MELTF: variants seen among roughly 807,000 people sequenced by gnomAD.
MELTF encodes the protein antigen p97 (melanoma associated) identified by monoclonal antibodies 133.2 and 96.5.
In MELTF, 67 loss-of-function variants were observed where a neutral mutation model predicts 83.7. The observed-to-expected ratio is 0.80, with a 90% CI of 0.66 to 0.98. The LOEUF (loss-of-function observed/expected upper bound fraction) is 0.98, where lower values mean the gene tolerates loss of function less well. MELTF is among the 50% of genes least tolerant of loss of function. The pLI, the probability that MELTF is intolerant of heterozygous loss-of-function variation, is 0.00. For synonymous variants in MELTF, 462 were observed against 447.6 expected, an observed-to-expected ratio of 1.03 and a Z score of -0.41; for missense variants, 1,002 against 1,035.6, an observed-to-expected ratio of 0.97 and a Z score of 0.44.
At chr3:197,012,548 AG>A (rs1186735358) in intron 9 of MELTF, among the ~76,000 whole-genome samples, 2 of 152,250 alleles carry the variant, frequency 1.3e-5, no homozygotes, top group African/African-American at 4.8e-5. Context: ...GGCACTGCTG[AG>A]GGGCCTGTGC....
Position 197,008,819 on chromosome 3 carries a change from C to G in MELTF, c.1672G>C (p.Gly558Arg), listed in dbSNP as rs768150503. The change falls in exon 12 of 16, where the codon GGC becomes CGC. Residue 558 changes from glycine to arginine, a missense_variant. Transcript: ENST00000296350. This position sits in a 1 kb window ranked among gnomAD's most constrained non-coding sequence, Gnocchi z 5.4. ...AGGCCACCCGGGTACCTGAAGGCGC[C>G]GCGGTAGCCGTAATACCGCTCCTGG... ...NSQERYYGYR[G>R]AFRCLVENAG... 200 of 1,614,018 alleles carry G rather than the reference C, an allele frequency of 1.2e-4. No homozygotes were observed. Among genetic ancestry groups the G allele is most frequent in the Non-Finnish European group, 1.6e-4 (189 of 1,180,018 alleles).
Position 197,003,172 on chromosome 3 carries a change from G to C in MELTF, c.*200C>G, listed in dbSNP as rs934505825. 1 of 465,450 alleles carries C rather than the reference G, an allele frequency of 2.1e-6. No homozygotes were observed. Among genetic ancestry groups the C allele is most frequent in the Non-Finnish European group, 2.8e-6 (1 of 352,380 alleles). The allele number at this position is 465,450 out of a possible 1,614,324, so 28.8% of individuals were successfully genotyped here. A position where few individuals can be genotyped will look rare whatever the true frequency, so the allele number is the denominator to read the frequency against. On this transcript the variant is annotated 3_prime_UTR_variant, in exon 16 of 16. Coordinates refer to ENST00000296350, the MANE Select transcript of MELTF (RefSeq NM_005929.6). The surrounding 1 kb of genome is among the most constrained non-coding windows in gnomAD (Gnocchi z 6.2). ...AGGTGGCGGGAGGCGGCGGTTGGCG[G>C]GAAGGGCCGCGCGGGCCCGGGGGCG...
chr3:197,015,620 T>G (rs1577935026), intron 8 of MELTF, 104 bp from the exon 9 acceptor site: 1 of 1,288,394 alleles, frequency 7.8e-7, no homozygotes. Context: ...GTCAGGTGTG[T>G]GGCTGGGATA....
intron 11 of MELTF, 111 bp downstream of exon 11, chr3:197,009,507 T>C (rs1268943228): frequency 8.5e-6 from 9 of 1,063,462 alleles, no homozygotes; most frequent in Admixed American, 2.6e-5. Flanking sequence ...TGGGCACATA[T>C]GCAGAAGCCT....
At position 197,027,825 on chromosome 3, in the gene MELTF, T is replaced by G. The variant is rs201549520; in HGVS notation, c.135A>C (p.Glu45Asp). The change falls in exon 2 of 16, where the codon GAA (glutamate) becomes GAC (aspartate). Residue 45 changes from glutamate to aspartate, a missense_variant. Physicochemically the swap from Glu to Asp is conservative, Grantham distance 45 (BLOSUM62 2). Coordinates refer to ENST00000296350, the MANE Select transcript of MELTF (RefSeq NM_005929.6). ...AGAGGAGGGAGGGCTGGATGCCCGCTTCCCGGAAGGCCTCGCTCATGTTGC... is the reference window on the plus strand; with the variant it reads ...AGAGGAGGGAGGGCTGGATGCCCGCGTCCCGGAAGGCCTCGCTCATGTTGC... ...KCGNMSEAFREAGIQPSLLCV... is the reference protein window; with the variant it reads ...KCGNMSEAFRDAGIQPSLLCV... The G allele has an allele frequency of 8.0e-5, 129 of 1,611,542 alleles. 2 individuals are homozygous for G. In the South Asian group the frequency reaches 1.4e-3, roughly 17 times the overall value.
rs1718872477 is a variant in MELTF, at chr3:197,003,829, C to G, written c.2137+72G>C. 2 of 1,506,560 alleles carry G rather than the reference C, an allele frequency of 1.3e-6. No individual in the cohort carries two copies. The highest frequency in any genetic ancestry group is 1.8e-6 in the Non-Finnish European group (2 of 1,107,436). 93.3% of individuals were successfully genotyped at this position (1,506,560 alleles called of 1,614,324 possible). ...GCCTCCCCGGACCCGCAGCGCCCCCCGCTCCCTCAGGGTTCTGGGGTGAAG... is the reference window on the plus strand; with the variant it reads ...GCCTCCCCGGACCCGCAGCGCCCCCGGCTCCCTCAGGGTTCTGGGGTGAAG... On this transcript the variant is annotated intron_variant, in intron 15 of 15. Transcript: ENST00000296350. The surrounding 1 kb of genome is among the most constrained non-coding windows in gnomAD (Gnocchi z 6.2).
At chr3:197,021,555 T>C in intron 5 of MELTF, 84 bp from the exon 6 acceptor site, 2 of 1,336,220 alleles carry the variant, frequency 1.5e-6, no homozygotes, top group South Asian at 1.2e-5. Context: ...GCTTGGGCTG[T>C]AGGGGTGGCC....
At chr3:197,019,548 G>A in intron 6 of MELTF, 1 of 1,558,954 alleles carries the variant, frequency 6.4e-7, no homozygotes, top group Non-Finnish European at 8.8e-7. Context: ...GACCAGCCTG[G>A]GCAACATGGT....
Position 197,011,312 on chromosome 3 carries a change from G to C in MELTF, c.1234-518C>G, listed in dbSNP as rs570317398. Reference sequence around the variant, plus strand: ...GGCTGAGGGATGGAGCTCTGCCTGCGGAGGCGCGGGAGGGTCCAGTGCCTT... The same window carrying C: ...GGCTGAGGGATGGAGCTCTGCCTGCCGAGGCGCGGGAGGGTCCAGTGCCTT... On this transcript the variant is annotated intron_variant, in intron 9 of 15. Transcript: ENST00000296350. This position sits in a 1 kb window ranked among gnomAD's most constrained non-coding sequence, Gnocchi z 4.2. Among the ~76,000 whole-genome samples the C allele has an allele frequency of 6.6e-6, 1 of 152,332 alleles. No individual in the cohort carries two copies. Among genetic ancestry groups the C allele is most frequent in the Admixed American group, 6.5e-5 (1 of 15,314 alleles).
chr3:197,003,502 G>A lies in MELTF; in HGVS notation c.2138-51C>T. 3 of 929,210 alleles carry A rather than the reference G, an allele frequency of 3.2e-6. No individual in the cohort carries two copies. The highest frequency in any genetic ancestry group is 1.9e-5 in the African/African-American group (1 of 52,346). The allele number at this position is 929,210 out of a possible 1,614,324, so 57.6% of individuals were successfully genotyped here. A position where few individuals can be genotyped will look rare whatever the true frequency, so the allele number is the denominator to read the frequency against. On this transcript the variant is annotated intron_variant, in intron 15 of 15. Transcript: ENST00000296350. The surrounding 1 kb of genome is among the most constrained non-coding windows in gnomAD (Gnocchi z 6.2). ...CCCCGAAGCCCGGGCCGCGGTGGCC[G>A]CCTCAGGCGCCCGCTCTGGGGTGGG...
chr3:197,018,248 C>T (rs1434988997), intron 6 of MELTF, among the ~76,000 whole-genome samples: 1 of 147,482 alleles, frequency 6.8e-6, no homozygotes, highest in South Asian at 2.2e-4. Context: ...TCCGGGTTCA[C>T]GCCATTCTCC....
At position 197,003,480 on chromosome 3, in the gene MELTF, C is replaced by T. The variant is rs1718839951; in HGVS notation, c.2138-29G>A. The stretch of plus-strand genomic sequence containing the variant: ...GGGACGAACGCGGCGGGTCAGGCCC[C>T]GAAGCCCGGGCCGCGGTGGCCGCCT... On this transcript the variant is annotated intron_variant, in intron 15 of 15. Transcript: ENST00000296350. The surrounding 1 kb of genome is among the most constrained non-coding windows in gnomAD (Gnocchi z 6.2). The T allele has an allele frequency of 3.8e-6, 4 of 1,045,800 alleles. No individual in the cohort carries two copies. The highest frequency in any genetic ancestry group is 4.6e-6 in the Non-Finnish European group (4 of 874,024). The allele number at this position is 1,045,800 out of a possible 1,614,324, so 64.8% of individuals were successfully genotyped here. A position where few individuals can be genotyped will look rare whatever the true frequency, so the allele number is the denominator to read the frequency against.
intron 2 of MELTF, 172 bp from the exon 3 acceptor site, chr3:197,026,931 G>C (rs540596563): frequency 1.7e-6 from 1 of 575,954 alleles, no homozygotes; most frequent in East Asian, 2.8e-5. Flanking sequence ...CCTTTCCCAG[G>C]CCAGGGATTC....
Position 197,006,741 on chromosome 3 carries a change from G to C in MELTF, c.1751-5C>G. 2 of 1,526,704 alleles carry C rather than the reference G, an allele frequency of 1.3e-6. No individual in the cohort carries two copies. Among genetic ancestry groups the C allele is most frequent in the Non-Finnish European group, 1.8e-6 (2 of 1,139,630 alleles). 94.6% of individuals were successfully genotyped at this position (1,526,704 alleles called of 1,614,324 possible). A position where few individuals can be genotyped will look rare whatever the true frequency, so the allele number is the denominator to read the frequency against. On this transcript the variant is annotated splice_polypyrimidine_tract_variant and splice_region_variant and intron_variant, in intron 13 of 15. Coordinates refer to ENST00000296350, the MANE Select transcript of MELTF (RefSeq NM_005929.6). This position sits in a 1 kb window ranked among gnomAD's most constrained non-coding sequence, Gnocchi z 5.4. ...CCCAGGGCTCGGAATTGTGGCCTGA[G>C]GGGGGTAAAGCAGTGTGTGTGGGGA...
Position 197,002,600 on chromosome 3 carries a change from G to A in MELTF, c.*772C>T, listed in dbSNP as rs1718780826. On this transcript the variant is annotated 3_prime_UTR_variant, in exon 16 of 16. Coordinates refer to ENST00000296350, the MANE Select transcript of MELTF (RefSeq NM_005929.6). ...GGGTCACCTCCGGCTCCCTTCAGGCGGGGGGCGGCTGCTGCCGCCAGGCTC... is the reference window on the plus strand; with the variant it reads ...GGGTCACCTCCGGCTCCCTTCAGGCAGGGGGCGGCTGCTGCCGCCAGGCTC... The A allele has an allele frequency of 6.6e-6, 1 of 152,276 alleles. No homozygotes were observed. The highest frequency in any genetic ancestry group is 1.5e-5 in the Non-Finnish European group (1 of 68,108). 9.4% of individuals were successfully genotyped at this position (152,276 alleles called of 1,614,324 possible). A position where few individuals can be genotyped will look rare whatever the true frequency, so the allele number is the denominator to read the frequency against.
chr3:197,015,132 C>T (rs1577934230), intron 9 of MELTF, among the ~76,000 whole-genome samples: 2 of 152,314 alleles, frequency 1.3e-5, no homozygotes, highest in Middle Eastern at 3.4e-3. Context: ...TCACCCCTAT[C>T]TGCCTGTCCC....
rs1718846355 is a variant in MELTF, at chr3:197,003,530, T to TGGGGGC, written c.2138-85_2138-80dup. On this transcript the variant is annotated intron_variant, in intron 15 of 15. Coordinates refer to ENST00000296350, the MANE Select transcript of MELTF (RefSeq NM_005929.6). This position sits in a 1 kb window ranked among gnomAD's most constrained non-coding sequence, Gnocchi z 6.2. Reference sequence around the variant, plus strand: ...TCAGGCGCCCGCTCTGGGGTGGGGGTGGGGGCATCTTTCGGGACCGAACTC... The same window carrying TGGGGGC: ...TCAGGCGCCCGCTCTGGGGTGGGGGTGGGGGCGGGGGCATCTTTCGGGACCGAACTC... 8.7e-6 allele frequency: 1 copy of TGGGGGC among 115,062 alleles called. No individual in the cohort carries two copies. Among genetic ancestry groups the TGGGGGC allele is most frequent in the African/African-American group, 6.3e-5 (1 of 15,986 alleles). 7.1% of individuals were successfully genotyped at this position (115,062 alleles called of 1,614,324 possible).
At position 197,008,962 on chromosome 3, in the gene MELTF, A is replaced by G. The variant is rs1458013131; in HGVS notation, c.1529T>C (p.Val510Ala). ...RPKDCDVLTA[V>A]SEFFNASCVP... ...GCAGCTGGCATTGAAGAACTCGCTC[A>G]CTGCTGGGGTGGAGGGAAGGGCAAT... Residue 510 changes from valine to alanine, a missense_variant, in exon 12 of 16, where the codon GTG becomes GCG. Physicochemically the swap from Val to Ala is moderately conservative, Grantham distance 64. Coordinates refer to ENST00000296350, the MANE Select transcript of MELTF (RefSeq NM_005929.6). This position sits in a 1 kb window ranked among gnomAD's most constrained non-coding sequence, Gnocchi z 5.4. 2.5e-6 allele frequency: 4 copies of G among 1,613,706 alleles called. No homozygotes were observed. The African/African-American group carries it at 4.0e-5, about 16-fold the overall frequency.
intron 4 of MELTF, 103 bp from the exon 5 acceptor site, chr3:197,023,216 G>GGAAGGTGGAACCATTCTC: frequency 8.4e-7 from 1 of 1,189,410 alleles, no homozygotes; most frequent in Non-Finnish European, 1.2e-6. Flanking sequence ...GGACTCTGCT[G>GGAAGGTGGAACCATTCTC]AGAATGGTTC....
Sources: allele counts gnomAD v4.1 joint callset (sites outside exome capture counted in the v4.1 genomes callset), GRCh38; gene constraint gnomAD v4.1.1; non-coding constraint Gnocchi (gnomAD v3.1); transcripts MANE v1.5; gene names NCBI Gene and HGNC (gene_info 2026-07-23, HGNC 2026-07-21).